The following RUNX2 variants were observed in gnomAD, a reference collection of about 807,000 sequenced individuals.
RUNX2 encodes runt-related transcription factor 2.
A neutral mutation model predicts 51.7 loss-of-function variants in RUNX2; 10 were observed. The ratio of observed to expected loss-of-function variants is 0.19; its 90% CI spans 0.12 to 0.33. The LOEUF is 0.33. Among genes scored for constraint, RUNX2 ranks in the 10% least tolerant of loss-of-function variants. The pLI, the probability that RUNX2 is intolerant of heterozygous loss-of-function variation, is 1.00. For synonymous variants in RUNX2, 276 were observed against 273.6 expected (o/e 1.01, Z -0.09); for missense variants, 562 against 691.3 (o/e 0.81, Z 2.10).
chr6:45,404,819 G>A (rs1797798108), intron 2 of RUNX2, among the ~76,000 whole-genome samples: 1 of 152,226 alleles, frequency 6.6e-6, no homozygotes, highest in Non-Finnish European at 1.5e-5. Flanking sequence ...ATGTATTTCT[G>A]GAAAGGCAGT....
chr6:45,401,659 A>G (rs930270160), intron 2 of RUNX2, among the ~76,000 whole-genome samples: 1 of 152,230 alleles, frequency 6.6e-6, no homozygotes, highest in African/African-American at 2.4e-5. Context: ...TGGATAATGA[A>G]CAGAAGGCAA....
intron 2 of RUNX2, among the ~76,000 whole-genome samples, chr6:45,333,020 A>G (rs1363094312): frequency 6.6e-6 from 1 of 151,690 alleles, no homozygotes; most frequent in Non-Finnish European, 1.5e-5. Flanking sequence ...ATAACAATGA[A>G]CTCCAATACT....
At chr6:45,356,111 G>T (rs1293061937) in intron 2 of RUNX2, among the ~76,000 whole-genome samples, 1 of 152,046 alleles carries the variant, frequency 6.6e-6, no homozygotes, top group Non-Finnish European at 1.5e-5. Context: ...TAGAAAAGTG[G>T]TTGTGTACTC....
chr6:45,331,119 GT>G (rs1787402539), intron 2 of RUNX2, among the ~76,000 whole-genome samples: 4 of 149,756 alleles, frequency 2.7e-5, no homozygotes, highest in Non-Finnish European at 5.9e-5. Context: ...GTGTGTGTGT[GT>G]GTGTGTGCGC....
intron 2 of RUNX2, among the ~76,000 whole-genome samples, chr6:45,354,942 A>G (rs2150212284): frequency 6.6e-6 from 1 of 152,258 alleles, no homozygotes; most frequent in African/African-American, 2.4e-5. Flanking sequence ...ATTGGAAAGA[A>G]ACTGGAAAGA....
chr6:45,407,552 T>C (rs1797863918), intron 2 of RUNX2, among the ~76,000 whole-genome samples: 1 of 152,110 alleles, frequency 6.6e-6, no homozygotes, highest in Admixed American at 6.6e-5. Context: ...AGTGCAGTAG[T>C]GTGGTCATAG....
intron 2 of RUNX2, among the ~76,000 whole-genome samples, chr6:45,357,419 C>G (rs572620649): frequency 6.6e-6 from 1 of 151,892 alleles, no homozygotes; most frequent in African/African-American, 2.4e-5. Flanking sequence ...CAGCCGTAAC[C>G]TCCTAGGTGC....
At chr6:45,530,269 C>G (rs1469513810) in intron 7 of RUNX2, among the ~76,000 whole-genome samples, 1 of 152,184 alleles carries the variant, frequency 6.6e-6, no homozygotes, top group African/African-American at 2.4e-5. Context: ...TATAGAATGT[C>G]TAGTTAGAAG....
intron 2 of RUNX2, chr6:45,421,310 G>C (rs1798180280): frequency 6.6e-6 from 1 of 152,032 alleles, no homozygotes; most frequent in Admixed American, 6.5e-5. Context: ...TTGTTCTCTA[G>C]GAATGACAAG....
At chr6:45,454,139 C>T (rs1563093982) in intron 5 of RUNX2, among the ~76,000 whole-genome samples, 1 of 152,050 alleles carries the variant, frequency 6.6e-6, no homozygotes, top group South Asian at 2.1e-4. Flanking sequence ...TTTGTCACCT[C>T]GTAGCCCAGT....
chr6:45,490,964 T>A (rs1800443365), intron 5 of RUNX2, among the ~76,000 whole-genome samples: 1 of 152,218 alleles, frequency 6.6e-6, no homozygotes, highest in South Asian at 2.1e-4. Context: ...TTTACTCTAC[T>A]GTGGTACACC....
chr6:45,475,560 C>G (rs1799933948), intron 5 of RUNX2, among the ~76,000 whole-genome samples: 1 of 152,188 alleles, frequency 6.6e-6, no homozygotes, highest in Non-Finnish European at 1.5e-5. Flanking sequence ...CTCTATTAAT[C>G]TAGGGCCTAT....
chr6:45,376,652 G>A (rs1028738431), intron 2 of RUNX2, among the ~76,000 whole-genome samples: 2 of 152,180 alleles, frequency 1.3e-5, no homozygotes, highest in Non-Finnish European at 2.9e-5. Context: ...ACTTTCCATA[G>A]CACAATGAAG....
chr6:45,333,153 T>G (rs558366902), intron 2 of RUNX2, among the ~76,000 whole-genome samples: 35 of 151,816 alleles, frequency 2.3e-4, no homozygotes, highest in African/African-American at 8.2e-4. Flanking sequence ...CATAATGAAA[T>G]TTTATGCCTT....
chr6:45,355,580 T>C (rs1343952325), intron 2 of RUNX2, among the ~76,000 whole-genome samples: 4 of 152,172 alleles, frequency 2.6e-5, no homozygotes, highest in African/African-American at 7.2e-5. Context: ...ATCACTCAGA[T>C]GTAGCATTAT....
chr6:45,517,665 A>G (rs536831843), intron 7 of RUNX2, among the ~76,000 whole-genome samples: 1 of 152,260 alleles, frequency 6.6e-6, no homozygotes, highest in Admixed American at 6.5e-5. Context: ...ACTGCACAGG[A>G]CTATTGAAGA....
In RUNX2 at chr6:45,408,174, A is replaced by T. The variant is rs539151501; in HGVS notation, c.59-14419A>T. ...CAGGAGATTTTTATTTTTATTTTTT[A>T]TTTTTTTTTGAGACAGAGTCTCGCT... On this transcript the variant is annotated intron_variant, in intron 2 of 8. Coordinates refer to ENST00000647337, the MANE Select transcript of RUNX2 (RefSeq NM_001024630.4). Among the ~76,000 whole-genome samples, 21 of 148,530 alleles carry T rather than the reference A, an allele frequency of 1.4e-4. No homozygotes were observed. In the East Asian group the frequency reaches 3.4e-3, roughly 24 times the overall value.
At chr6:45,492,244 T>C (rs1365677959) in intron 6 of RUNX2, 130 bp downstream of exon 6, 1 of 779,024 alleles carries the variant, frequency 1.3e-6, no homozygotes, top group Non-Finnish European at 2.2e-6. Context: ...AATCAAGACT[T>C]GAAGACACTG....
At chr6:45,373,917 C>G (rs1374707257) in intron 2 of RUNX2, among the ~76,000 whole-genome samples, 2 of 152,170 alleles carry the variant, frequency 1.3e-5, no homozygotes, top group Non-Finnish European at 2.9e-5. Flanking sequence ...TATACACTAT[C>G]CATGCTGTTA....
Sources: gnomAD v4.1 joint callset for allele counts (sites outside exome capture counted in the v4.1 genomes callset) on GRCh38, gnomAD v4.1.1 for gene constraint, MANE v1.5 for transcripts, NCBI Gene and HGNC (gene_info 2026-07-23, HGNC 2026-07-21) for gene names.